ZNF726: variants seen among roughly 807,000 people sequenced by gnomAD.
ZNF726 encodes the protein zinc finger protein 92 pseudogene 3.
ZNF726 carries 15 observed loss-of-function variants against 11.6 expected under a neutral mutation model. The observed-to-expected ratio is 1.29, with a 90% CI of 0.86 to 1.99. The LOEUF is 1.99. Among genes scored for constraint, ZNF726 ranks in the 30% most tolerant of loss-of-function variants. The probability of loss-of-function intolerance (pLI) is 0.00; values close to 1 mark genes in which losing one functional copy is unlikely to be tolerated. For synonymous variants in ZNF726, 295 were observed against 243.6 expected, an observed-to-expected ratio of 1.21 and a Z score of -1.96; for missense variants, 890 against 725.6, an observed-to-expected ratio of 1.23 and a Z score of -2.60.
intron 1 of ZNF726, among the ~76,000 whole-genome samples, chr19:23,917,270 T>G (rs1967724230): frequency 1.3e-5 from 2 of 152,228 alleles, no homozygotes; most frequent in South Asian, 4.1e-4. Flanking sequence ...TTTTTAACTG[T>G]GTATTGCATT....
chr19:23,927,588 C>T (rs1051470627), intron 3 of ZNF726, among the ~76,000 whole-genome samples: 5 of 152,126 alleles, frequency 3.3e-5, no homozygotes, highest in African/African-American at 1.2e-4. Context: ...ACCTACTGGG[C>T]TCAAGTGATC....
rs771819604 is a variant in ZNF726, at chr19:23,933,017, A to G, written c.901A>G (p.Thr301Ala). Residue 301 changes from threonine (T) to alanine (A), a missense_variant, in exon 4 of 4, where the codon ACC becomes GCC. Thr to Ala is a moderately conservative substitution (Grantham distance 58). Transcript: ENST00000594466. ...AGCATTTAGCCAACCCTCAGCACTA[A>G]CCATACATAAGAGGATGCACATTGG... ...GKAFSQPSAL[T>A]IHKRMHIGEK... is the part of the protein sequence containing the mutation. 1 of 1,613,234 alleles carries G rather than the reference A, an allele frequency of 6.2e-7. No individual in the cohort carries two copies. Among genetic ancestry groups the G allele is most frequent in the Non-Finnish European group, 8.5e-7 (1 of 1,179,934 alleles).
intron 3 of ZNF726, among the ~76,000 whole-genome samples, chr19:23,940,980 C>T (rs1458249848): frequency 6.6e-6 from 1 of 152,062 alleles, no homozygotes; most frequent in Non-Finnish European, 1.5e-5. Context: ...CCCTTTATTT[C>T]TTGTCTTATT....
intron 4 of ZNF726, chr19:23,944,232 C>T (rs757658871): frequency 1.3e-5 from 2 of 151,848 alleles, no homozygotes; most frequent in Non-Finnish European, 2.9e-5. Flanking sequence ...GTTATACTTG[C>T]CTTTGCTTTG....
At position 23,934,005 on chromosome 19, in the gene ZNF726, T is replaced by C. The variant is rs772372346; in HGVS notation, c.*38T>C. On this transcript the variant is annotated 3_prime_UTR_variant, in exon 4 of 4. Coordinates refer to ENST00000594466, the MANE Select transcript of ZNF726 (RefSeq NM_001244038.2). Reference sequence around the variant, plus strand: ...AAAGGGTAAAGAATGTGGCAAAGCATTTATATGGTCCTCAACGCTAAACAT... The same window carrying C: ...AAAGGGTAAAGAATGTGGCAAAGCACTTATATGGTCCTCAACGCTAAACAT... 5 of 1,580,630 alleles carry C rather than the reference T, an allele frequency of 3.2e-6. No homozygotes were observed. Among genetic ancestry groups the C allele is most frequent in the Non-Finnish European group, 4.3e-6 (5 of 1,159,534 alleles).
In ZNF726 at chr19:23,933,361, T is replaced by G; in HGVS notation, c.1245T>G (p.His415Gln). The change falls in exon 4 of 4, where the codon CAT becomes CAG. Residue 415 changes from histidine to glutamine, a missense_variant. Coordinates refer to ENST00000594466, the MANE Select transcript of ZNF726 (RefSeq NM_001244038.2). ...ATCGATCCTCAAATCTTACTAAACA[T>G]AAGATAATTCATACTGGAGAGAAAC... Reference protein sequence around the residue: ...AFHRSSNLTKHKIIHTGEKPY... With the variant: ...AFHRSSNLTKQKIIHTGEKPY... 1.2e-6 allele frequency: 2 copies of G among 1,612,616 alleles called. No individual in the cohort carries two copies. The highest frequency in any genetic ancestry group is 1.7e-6 in the Non-Finnish European group (2 of 1,179,740).
chr19:23,934,188 A>G lies in ZNF726; in HGVS notation c.*221A>G, dbSNP rs571915606. 5.0e-6 allele frequency: 4 copies of G among 800,336 alleles called. No individual in the cohort carries two copies. Among genetic ancestry groups the G allele is most frequent in the South Asian group, 2.8e-5 (2 of 70,928 alleles). 49.6% of individuals were successfully genotyped at this position (800,336 alleles called of 1,614,324 possible). On this transcript the variant is annotated 3_prime_UTR_variant, in exon 4 of 4. Coordinates refer to ENST00000594466, the MANE Select transcript of ZNF726 (RefSeq NM_001244038.2). ...CTTTTAATCATTCTCAAATCTTACT[A>G]CACATAAGATAATTCATACTGGAAA...
intron 1 of ZNF726, among the ~76,000 whole-genome samples, chr19:23,917,641 C>T (rs1017398633): frequency 1.3e-5 from 2 of 151,968 alleles, no homozygotes; most frequent in Non-Finnish European, 2.9e-5. Flanking sequence ...CAGTGAATAT[C>T]TTTATTCTGT....
chr19:23,923,409 A>ATTT (rs567346496), intron 3 of ZNF726: 1,012 of 333,478 alleles, frequency 3.0e-3, no homozygotes, highest in Middle Eastern at 6.0e-3. Context: ...GATGCCAGTA[A>ATTT]TTTTTTTTTT....
intron 3 of ZNF726, among the ~76,000 whole-genome samples, chr19:23,940,010 C>G (rs936719769): frequency 6.6e-6 from 1 of 151,968 alleles, no homozygotes; most frequent in Non-Finnish European, 1.5e-5. Flanking sequence ...ATTTGCCATG[C>G]AAAACCTCTT....
At chr19:23,943,923 T>A (rs951297023) in intron 4 of ZNF726, 34 of 170,842 alleles carry the variant, frequency 2.0e-4, no homozygotes, top group Non-Finnish European at 2.1e-4. Context: ...AGGAACTGCA[T>A]GTTAGATTAT....
At chr19:23,931,398 C>A (rs1336122875) in intron 3 of ZNF726, among the ~76,000 whole-genome samples, 1 of 152,178 alleles carries the variant, frequency 6.6e-6, no homozygotes, top group Middle Eastern at 3.4e-3. Context: ...TTTTTGTTCT[C>A]GTCCTCATTT....
rs1433432495 is a variant in ZNF726 at position 23,932,929 on chromosome 19, A to G, written c.813A>G (p.Thr271=). ...ECGKAFSQSS[T]LTIHKRIHTG... is the part of the protein sequence containing the mutation. Reference sequence around the variant, plus strand: ...GCAAAGCATTTAGCCAATCCTCAACACTAACCATACATAAGAGGATACATA... The same window carrying G: ...GCAAAGCATTTAGCCAATCCTCAACGCTAACCATACATAAGAGGATACATA... Residue 271 remains threonine (T), a synonymous_variant, in exon 4 of 4, where the codon ACA becomes ACG. Coordinates refer to ENST00000594466, the MANE Select transcript of ZNF726 (RefSeq NM_001244038.2). 6.2e-7 allele frequency: 1 copy of G among 1,610,574 alleles called. No individual in the cohort carries two copies. Among genetic ancestry groups the G allele is most frequent in the Non-Finnish European group, 8.5e-7 (1 of 1,179,152 alleles).
downstream of ZNF726, among the ~76,000 whole-genome samples, chr19:23,937,893 TTAG>T (rs1968273303): frequency 6.6e-6 from 1 of 152,248 alleles, no homozygotes; most frequent in Non-Finnish European, 1.5e-5. Context: ...TAACATTAAG[TTAG>T]TAGTATGTTA....
In ZNF726 at chr19:23,934,289, G is replaced by T; in HGVS notation, c.*322G>T. On this transcript the variant is annotated 3_prime_UTR_variant, in exon 4 of 4. Coordinates refer to ENST00000594466, the MANE Select transcript of ZNF726 (RefSeq NM_001244038.2). ...AAGTAGACATAAGAGGATGCACACT[G>T]GAGAGAAACCTTACAAATGTGAGGA... is the stretch of plus-strand genomic sequence containing the variant. 1 of 632,784 alleles carries T rather than the reference G, an allele frequency of 1.6e-6. No individual in the cohort carries two copies. Among genetic ancestry groups the T allele is most frequent in the Non-Finnish European group, 3.1e-6 (1 of 327,224 alleles). 39.2% of individuals were successfully genotyped at this position (632,784 alleles called of 1,614,324 possible).
At chr19:23,935,930 T>C (rs1968223165), downstream of ZNF726, 1 of 152,430 alleles carries the variant, frequency 6.6e-6, no homozygotes. Flanking sequence ...AGCATATTTA[T>C]TTTGAAAAAG....
In ZNF726 at chr19:23,932,531, A is replaced by G. The variant is rs774852346; in HGVS notation, c.415A>G (p.Thr139Ala). The change falls in exon 4 of 4, where the codon ACT (threonine) becomes GCT (alanine). Residue 139 changes from threonine to alanine, a missense_variant. By Grantham distance (58) the Thr-to-Ala change is moderately conservative. Coordinates refer to ENST00000594466, the MANE Select transcript of ZNF726 (RefSeq NM_001244038.2). ...TAATGGACTTAACCAGTGTTTCACA[A>G]CTACCCAGGGCAAAGCTTCTCAATG... ...GYNGLNQCFT[T>A]TQGKASQCGK... The G allele has an allele frequency of 5.7e-6, 9 of 1,585,476 alleles. No individual in the cohort carries two copies. The East Asian group carries it at 1.8e-4, about 32-fold the overall frequency.
At chr19:23,927,136 T>C (rs2144978039) in intron 3 of ZNF726, among the ~76,000 whole-genome samples, 1 of 152,132 alleles carries the variant, frequency 6.6e-6, no homozygotes, top group African/African-American at 2.4e-5. Flanking sequence ...GCTAAATTTT[T>C]TTGTATTTTT....
rs144853218 is a variant in ZNF726 at position 23,916,384 on chromosome 19, G to A, written c.3+1387G>A. Among the ~76,000 whole-genome samples the A allele has an allele frequency of 2.5e-3, 384 of 151,930 alleles. 1 individual carries two copies. Among genetic ancestry groups the A allele is most frequent in the African/African-American group, 8.6e-3 (356 of 41,394 alleles). On this transcript the variant is annotated intron_variant, in intron 1 of 3. Transcript: ENST00000594466. ...GCTCTGTTGCAGTGCAGTGGCTGGA[G>A]TGCAGTGGCATGACTTAGGCTCACT...
Sources: gnomAD v4.1 joint callset for allele counts (sites outside exome capture counted in the v4.1 genomes callset) on GRCh38, gnomAD v4.1.1 for gene constraint, MANE v1.5 for transcripts, NCBI Gene and HGNC (gene_info 2026-07-23, HGNC 2026-07-21) for gene names.